TMEM232: variants seen among roughly 807,000 people sequenced by gnomAD.
The protein encoded by TMEM232 is transmembrane protein 232.
A neutral mutation model predicts 78.8 loss-of-function variants in TMEM232; 80 were observed. The ratio of observed to expected loss-of-function variants is 1.01; its 90% CI spans 0.85 to 1.22. The LOEUF (loss-of-function observed/expected upper bound fraction) is 1.22. TMEM232 is among the 50% of genes most tolerant of loss of function. The probability of loss-of-function intolerance (pLI) is 0.00; values close to 1 mark genes in which losing one functional copy is unlikely to be tolerated. For missense variants in TMEM232, 881 were observed against 742.2 expected (o/e 1.19, Z -2.17); for synonymous variants, 297 against 254.3 (o/e 1.17, Z -1.60).
At chr5:110,576,837 GGA>G (rs1275127689) in intron 10 of TMEM232, among the ~76,000 whole-genome samples, 2 of 152,018 alleles carry the variant, frequency 1.3e-5, no homozygotes, top group East Asian at 3.9e-4. Context: ...GCCACATGCA[GGA>G]GATTGAAACT....
chr5:110,428,101 T>C (rs1056139314), intron 12 of TMEM232, among the ~76,000 whole-genome samples: 3 of 151,974 alleles, frequency 2.0e-5, no homozygotes, highest in African/African-American at 7.2e-5. Flanking sequence ...TTTTGATTTT[T>C]TGTACCCATT....
At chr5:110,567,908 T>C (rs1776524954) in intron 11 of TMEM232, among the ~76,000 whole-genome samples, 1 of 151,922 alleles carries the variant, frequency 6.6e-6, no homozygotes, top group South Asian at 2.1e-4. Context: ...TTGCCCCTCC[T>C]ATTTGAATCT....
Position 110,605,082 on chromosome 5 carries a change from C to T in TMEM232, c.1276+27G>A, listed in dbSNP as rs146915864. The T allele has an allele frequency of 1.8e-3, 2,718 of 1,502,762 alleles. 52 individuals carry two copies. In the African/African-American group the frequency reaches 0.033, roughly 18 times the overall value. The allele number at this position is 1,502,762 out of a possible 1,614,324, so 93.1% of individuals were successfully genotyped here. A position where few individuals can be genotyped will look rare whatever the true frequency, so the allele number is the denominator to read the frequency against. On this transcript the variant is annotated intron_variant, in intron 10 of 13. Transcript: ENST00000455884. ...GACAGTGACACTTAAAAATATTACT[C>T]ATCAAAGTAAAAAACAATCTACTTA...
In TMEM232 at chr5:110,640,887, G is replaced by A. The variant is rs10043185; in HGVS notation, c.343+4C>T. 52,376 of 1,507,028 alleles carry A rather than the reference G, an allele frequency of 0.035. 1,095 individuals carry two copies. The highest frequency in any genetic ancestry group is 0.05 in the Middle Eastern group (295 of 5,852). The allele number at this position is 1,507,028 out of a possible 1,614,324, so 93.4% of individuals were successfully genotyped here. ...GATGCCTAATAAGAATTTAAAGTACGTACCATCTTGGATTTCCCCTTTGCA... is the reference window on the plus strand; with the variant it reads ...GATGCCTAATAAGAATTTAAAGTACATACCATCTTGGATTTCCCCTTTGCA... On this transcript the variant is annotated splice_donor_region_variant and intron_variant, in intron 4 of 13. Coordinates refer to ENST00000455884, the MANE Select transcript of TMEM232 (RefSeq NM_001039763.4).
intron 11 of TMEM232, among the ~76,000 whole-genome samples, chr5:110,547,739 T>C (rs1773947233): frequency 6.6e-6 from 1 of 152,078 alleles, no homozygotes; most frequent in Non-Finnish European, 1.5e-5. Context: ...GGCTCACACC[T>C]GTAATCCTAG....
intron 2 of TMEM232, among the ~76,000 whole-genome samples, chr5:110,663,474 G>A (rs1790083570): frequency 6.6e-6 from 1 of 151,820 alleles, no homozygotes; most frequent in Admixed American, 6.6e-5. Context: ...TTCATTATAA[G>A]TGTCACTTTT....
intron 3 of TMEM232, among the ~76,000 whole-genome samples, chr5:110,396,295 C>T (rs1018523062): frequency 6.6e-6 from 1 of 152,150 alleles, no homozygotes; most frequent in Admixed American, 6.5e-5. Flanking sequence ...CCTACCTGGA[C>T]ATGTGGGGAT....
At chr5:110,694,254 T>C (rs956446554) in intron 1 of TMEM232, among the ~76,000 whole-genome samples, 1 of 152,116 alleles carries the variant, frequency 6.6e-6, no homozygotes, top group African/African-American at 2.4e-5. Flanking sequence ...AAGCAAATGC[T>C]GAGAGATTCT....
intron 12 of TMEM232, among the ~76,000 whole-genome samples, chr5:110,501,796 G>A (rs1184174142): frequency 6.6e-6 from 1 of 152,122 alleles, no homozygotes; most frequent in Non-Finnish European, 1.5e-5. Flanking sequence ...ACTGGTTGAA[G>A]CTATCAAAGT....
In TMEM232 at chr5:110,388,809, C is replaced by T. The variant is rs75585401; in HGVS notation, n.616-756G>A. Reference sequence around the variant, plus strand: ...ATAGGTAAAGCAGTACATGCAGAATCGGGGTGGGGGCAGGCAGAGGCAGAA... The same window carrying T: ...ATAGGTAAAGCAGTACATGCAGAATTGGGGTGGGGGCAGGCAGAGGCAGAA... On this transcript the variant is annotated intron_variant and non_coding_transcript_variant, in intron 4 of 8. Transcript: ENST00000507188. 4.4e-4 allele frequency among the ~76,000 whole-genome samples: 67 copies of T among 152,176 alleles called. 1 individual carries two copies. The East Asian group carries it at 7.5e-3, about 17-fold the overall frequency.
At chr5:110,643,078 T>C (rs985701292) in intron 2 of TMEM232, among the ~76,000 whole-genome samples, 5 of 151,982 alleles carry the variant, frequency 3.3e-5, no homozygotes, top group Admixed American at 1.3e-4. Context: ...GGATAATGGA[T>C]ATGTCTTGAC....
intron 10 of TMEM232, among the ~76,000 whole-genome samples, chr5:110,573,240 A>G (rs1777166774): frequency 1.3e-5 from 2 of 152,074 alleles, no homozygotes. Context: ...TACATTTCAT[A>G]TATTTAGTGA....
chr5:110,649,342 T>C (rs1417599958), intron 2 of TMEM232, among the ~76,000 whole-genome samples: 2 of 152,118 alleles, frequency 1.3e-5, no homozygotes, highest in Admixed American at 6.6e-5. Context: ...AAAATGATTT[T>C]ATGTCTTCAC....
chr5:110,519,960 G>T (rs1769253604), intron 12 of TMEM232, among the ~76,000 whole-genome samples: 1 of 150,920 alleles, frequency 6.6e-6, no homozygotes, highest in Non-Finnish European at 1.5e-5. Flanking sequence ...ATGGCTACTA[G>T]AAGTCAGGAG....
At chr5:110,487,679 T>C (rs1429646594) in intron 12 of TMEM232, among the ~76,000 whole-genome samples, 2 of 152,128 alleles carry the variant, frequency 1.3e-5, no homozygotes, top group Admixed American at 1.3e-4. Context: ...TGGTGGATTA[T>C]CTTTTTGATA....
At position 110,424,968 on chromosome 5, in the gene TMEM232, C is replaced by T. The variant is rs1161644087; in HGVS notation, c.1704-52G>A. 1.8e-5 allele frequency: 22 copies of T among 1,243,294 alleles called. No homozygotes were observed. In the Middle Eastern group the frequency reaches 9.5e-4, roughly 54 times the overall value. 77.0% of individuals were successfully genotyped at this position (1,243,294 alleles called of 1,614,324 possible). A position where few individuals can be genotyped will look rare whatever the true frequency, so the allele number is the denominator to read the frequency against. On this transcript the variant is annotated intron_variant, in intron 12 of 13. Coordinates refer to ENST00000455884, the MANE Select transcript of TMEM232 (RefSeq NM_001039763.4). ...AACATTAGGTATAGGTACTCCTATT[C>T]CCCAGAAATAGAATTGTAACTAAGC...
At chr5:110,414,719 C>T (rs1200932788), downstream of TMEM232, among the ~76,000 whole-genome samples, 1 of 152,080 alleles carries the variant, frequency 6.6e-6, no homozygotes, top group African/African-American at 2.4e-5. Context: ...TTTTTATATT[C>T]CTTTTCCCTC....
At chr5:110,669,307 A>G (rs917288709) in intron 1 of TMEM232, among the ~76,000 whole-genome samples, 26 of 152,066 alleles carry the variant, frequency 1.7e-4, no homozygotes, top group Admixed American at 1.4e-3. Flanking sequence ...TATCACCACC[A>G]ATCCCACAGA....
At chr5:110,465,964 G>C (rs936345836) in intron 12 of TMEM232, among the ~76,000 whole-genome samples, 1 of 151,946 alleles carries the variant, frequency 6.6e-6, no homozygotes, top group Non-Finnish European at 1.5e-5. Flanking sequence ...ATTCATTCTA[G>C]ATACATTTAA....
Sources: gnomAD v4.1 joint callset for allele counts (sites outside exome capture counted in the v4.1 genomes callset) on GRCh38, gnomAD v4.1.1 for gene constraint, MANE v1.5 for transcripts, NCBI Gene and HGNC (gene_info 2026-07-23, HGNC 2026-07-21) for gene names.